KIF26B: variants seen among roughly 807,000 people sequenced by gnomAD.
KIF26B encodes the protein kinesin family member 26B, also known as kinesin-like protein KIF26B.
In KIF26B, 63 loss-of-function variants were observed where a neutral mutation model predicts 151.2. The observed-to-expected ratio is 0.42, with a 90% confidence interval of 0.34 to 0.51. The LOEUF (loss-of-function observed/expected upper bound fraction) is 0.51. Ranked by LOEUF, KIF26B falls within the 20% of genes least tolerant of loss-of-function variation. The pLI, the probability that KIF26B is intolerant of heterozygous loss-of-function variation, is 0.07. For synonymous variants in KIF26B, 1,357 were observed against 1,262.1 expected, an observed-to-expected ratio of 1.08 and a Z score of -1.59; for missense variants, 2,813 against 2,913.6, an observed-to-expected ratio of 0.97 and a Z score of 0.79.
intron 12 of KIF26B, among the ~76,000 whole-genome samples, chr1:245,695,856 C>T (rs1572211987): frequency 2.5e-5 from 2 of 81,426 alleles, no homozygotes; most frequent in South Asian, 6.6e-4. Context: ...TGCCCTGGCA[C>T]GGGTATTGGC....
chr1:245,588,919 G>A (rs568137101), intron 5 of KIF26B, among the ~76,000 whole-genome samples: 1 of 152,310 alleles, frequency 6.6e-6, no homozygotes, highest in East Asian at 1.9e-4. Flanking sequence ...TTGGTTGAAT[G>A]AGAATGAAAG....
At chr1:245,254,667 G>T (rs941584058) in intron 2 of KIF26B, among the ~76,000 whole-genome samples, 1 of 152,122 alleles carries the variant, frequency 6.6e-6, no homozygotes, top group Non-Finnish European at 1.5e-5. Flanking sequence ...CCCTTTTATT[G>T]ATCTCAGTTA....
In KIF26B at chr1:245,696,979, C is replaced by T. The variant is rs192798215; in HGVS notation, c.5825-1127C>T. ...ACAAAAAATTAGCCGTGCGTGGTAGCGGGCGCCTGTAGTCCCAGCTACTTG... is the reference window on the plus strand; with the variant it reads ...ACAAAAAATTAGCCGTGCGTGGTAGTGGGCGCCTGTAGTCCCAGCTACTTG... On this transcript the variant is annotated intron_variant, in intron 12 of 14. Transcript: ENST00000407071. Among the ~76,000 whole-genome samples the T allele has an allele frequency of 6.9e-4, 105 of 152,256 alleles. 2 individuals are homozygous for T. In the East Asian group the frequency reaches 0.017, roughly 25 times the overall value.
intron 2 of KIF26B, among the ~76,000 whole-genome samples, chr1:245,162,375 C>CGTTT (rs1668545986): frequency 1.3e-5 from 1 of 76,494 alleles, no homozygotes; most frequent in African/African-American, 5.1e-5. Context: ...TCAGAAATAT[C>CGTTT]TTTTTTTTTT....
At chr1:245,522,414 T>C (rs1661148344) in intron 4 of KIF26B, among the ~76,000 whole-genome samples, 4 of 152,236 alleles carry the variant, frequency 2.6e-5, no homozygotes, top group Admixed American at 2.0e-4. Context: ...GAACACTGCC[T>C]ACAGCATCCT....
chr1:245,403,925 A>G (rs371775641), intron 3 of KIF26B, among the ~76,000 whole-genome samples: 12 of 152,210 alleles, frequency 7.9e-5, no homozygotes, highest in East Asian at 5.8e-4. Flanking sequence ...AGTGCTACGT[A>G]TTCTCAATTT....
At chr1:245,521,558 A>G (rs1661111048) in intron 4 of KIF26B, among the ~76,000 whole-genome samples, 1 of 152,164 alleles carries the variant, frequency 6.6e-6, no homozygotes, top group South Asian at 2.1e-4. Flanking sequence ...CACCTAGACC[A>G]ATGTTTCCAA....
At position 245,687,910 on chromosome 1, in the gene KIF26B, G is replaced by A. The variant is rs1337665637; in HGVS notation, c.4927G>A (p.Gly1643Ser). 3 of 1,592,818 alleles carry A rather than the reference G, an allele frequency of 1.9e-6. No homozygotes were observed. Among genetic ancestry groups the A allele is most frequent in the African/African-American group, 2.7e-5 (2 of 74,498 alleles). The change falls in exon 12 of 15, where the codon GGC (glycine) becomes AGC (serine). Residue 1643 changes from glycine to serine, a missense_variant. Physicochemically the swap from Gly to Ser is moderately conservative, Grantham distance 56. Coordinates refer to ENST00000407071, the MANE Select transcript of KIF26B (RefSeq NM_018012.4). The surrounding 1 kb of genome is among the most constrained non-coding windows in gnomAD (Gnocchi z 4.9). ...FPAGLPDEPS[G>S]KTKDASSSSK... is the part of the protein sequence containing the mutation. ...GGCGGGCCTCCCAGACGAGCCTAGCGGCAAGACGAAGGACGCCAGCAGCAG... is the reference window on the plus strand; with the variant it reads ...GGCGGGCCTCCCAGACGAGCCTAGCAGCAAGACGAAGGACGCCAGCAGCAG...
At chr1:245,436,022 CA>C (rs1472379771) in intron 4 of KIF26B, among the ~76,000 whole-genome samples, 1 of 151,926 alleles carries the variant, frequency 6.6e-6, no homozygotes, top group Non-Finnish European at 1.5e-5. Context: ...ACTAAAAATA[CA>C]AAAATTAGCC....
At chr1:245,697,797 C>T (rs996826110) in intron 12 of KIF26B, among the ~76,000 whole-genome samples, 36 of 151,954 alleles carry the variant, frequency 2.4e-4, no homozygotes, top group Non-Finnish European at 1.2e-4. Context: ...CCCAGCACTT[C>T]GGGAGATTAA....
chr1:245,304,383 C>T (rs142476309), intron 2 of KIF26B, among the ~76,000 whole-genome samples: 115 of 152,240 alleles, frequency 7.6e-4, no homozygotes, highest in Middle Eastern at 3.4e-3. Flanking sequence ...AATTGCCTTG[C>T]GATTGGGGAA....
chr1:245,522,070 C>A (rs191904783), intron 4 of KIF26B, among the ~76,000 whole-genome samples: 30 of 152,150 alleles, frequency 2.0e-4, no homozygotes, highest in Non-Finnish European at 3.8e-4. Context: ...GGGGTTTCAC[C>A]GTGTTAGCCA....
intron 2 of KIF26B, among the ~76,000 whole-genome samples, chr1:245,307,744 T>C (rs751920750): frequency 0.011 from 241 of 22,924 alleles, 1 homozygote; most frequent in South Asian, 0.053. Flanking sequence ...CTCTCTCTCT[T>C]TTTTTTTTTT....
In KIF26B at chr1:245,495,437, T is replaced by C. The variant is rs1180231480; in HGVS notation, c.1167-45330T>C. On this transcript the variant is annotated intron_variant, in intron 4 of 14. Coordinates refer to ENST00000407071, the MANE Select transcript of KIF26B (RefSeq NM_018012.4). This position sits in a 1 kb window ranked among gnomAD's most constrained non-coding sequence, Gnocchi z 4.2. ...AGGTGTACAATGTGTACTGATCAAA[T>C]CATGGTAATCAGCATATCTATCAAC... Among the ~76,000 whole-genome samples, 1 of 152,242 alleles carries C rather than the reference T, an allele frequency of 6.6e-6. No homozygotes were observed. Among genetic ancestry groups the C allele is most frequent in the African/African-American group, 2.4e-5 (1 of 41,466 alleles).
chr1:245,653,046 T>G (rs2044037087), intron 10 of KIF26B, among the ~76,000 whole-genome samples: 1 of 152,196 alleles, frequency 6.6e-6, no homozygotes, highest in African/African-American at 2.4e-5. Context: ...AGAGAATGAT[T>G]GGGAATGAAA....
chr1:245,556,348 T>TCCTCCTCCTCCCTCCCTC (rs1553288006), intron 5 of KIF26B, among the ~76,000 whole-genome samples: 1 of 110,270 alleles, frequency 9.1e-6, no homozygotes, highest in African/African-American at 3.1e-5. Flanking sequence ...CCTTCCTCCC[T>TCCTCCTCCTCCCTCCCTC]CCTCCTCCTC....
At chr1:245,185,556 C>T (rs1481387783) in intron 2 of KIF26B, among the ~76,000 whole-genome samples, 1 of 152,230 alleles carries the variant, frequency 6.6e-6, no homozygotes, top group African/African-American at 2.4e-5. Flanking sequence ...TCAACAAACA[C>T]TGTGGTCTGT....
At chr1:245,691,168 A>T (rs769649313) in intron 12 of KIF26B, among the ~76,000 whole-genome samples, 1 of 152,132 alleles carries the variant, frequency 6.6e-6, no homozygotes, top group Non-Finnish European at 1.5e-5. Flanking sequence ...TTTTTCCCCA[A>T]GACTTTTATT....
intron 4 of KIF26B, among the ~76,000 whole-genome samples, chr1:245,524,733 C>G (rs1661201989): frequency 6.6e-6 from 1 of 152,108 alleles, no homozygotes; most frequent in Non-Finnish European, 1.5e-5. Flanking sequence ...AAATACTTAA[C>G]AATTTAATAT....
Sources: gnomAD v4.1 joint callset for allele counts (sites outside exome capture counted in the v4.1 genomes callset) on GRCh38, gnomAD v4.1.1 for gene constraint, Gnocchi (gnomAD v3.1) non-coding constraint, MANE v1.5 for transcripts, NCBI Gene and HGNC (gene_info 2026-07-23, HGNC 2026-07-21) for gene names.